The following CMTM8 variants were observed in gnomAD, a reference collection of about 807,000 sequenced individuals.
CMTM8 encodes the protein CKLF-like MARVEL transmembrane domain-containing protein 8.
CMTM8 carries 12 observed loss-of-function variants against 18.6 expected under a neutral mutation model. That is an observed-to-expected ratio of 0.65 (90% confidence interval 0.41 to 1.05). The LOEUF (loss-of-function observed/expected upper bound fraction) is 1.05, where lower values mean the gene tolerates loss of function less well. CMTM8 is among the 50% of genes least tolerant of loss of function. The pLI, the probability that CMTM8 is intolerant of heterozygous loss-of-function variation, is 0.00. For synonymous variants in CMTM8, 87 were observed against 90.6 expected (o/e 0.96, Z 0.23); for missense variants, 217 against 227.2 (o/e 0.95, Z 0.29).
At chr3:32,308,040 G>A (rs899819715) in intron 1 of CMTM8, among the ~76,000 whole-genome samples, 15 of 152,228 alleles carry the variant, frequency 9.9e-5, no homozygotes, top group Non-Finnish European at 1.3e-4. Context: ...CAATTCAAAA[G>A]GAGAAGAGAG....
chr3:32,244,700 T>C (rs1054951923), intron 1 of CMTM8, among the ~76,000 whole-genome samples: 2 of 152,222 alleles, frequency 1.3e-5, no homozygotes, highest in Non-Finnish European at 2.9e-5. Context: ...ATACCTGGTT[T>C]CCCCAGTTTT....
chr3:32,266,619 G>A (rs1484555121), intron 1 of CMTM8, among the ~76,000 whole-genome samples: 5 of 152,174 alleles, frequency 3.3e-5, no homozygotes, highest in Admixed American at 6.5e-5. Flanking sequence ...TCAGGCAGGA[G>A]AAGGAAATAA....
chr3:32,360,521 C>T (rs189313618), intron 2 of CMTM8, among the ~76,000 whole-genome samples: 176 of 152,310 alleles, frequency 1.2e-3, no homozygotes, highest in Admixed American at 3.3e-3. Flanking sequence ...AAAAAGTTTC[C>T]GTCTGTTAAC....
At chr3:32,310,264 A>G (rs1232975794) in intron 1 of CMTM8, among the ~76,000 whole-genome samples, 3 of 152,166 alleles carry the variant, frequency 2.0e-5, no homozygotes, top group African/African-American at 7.2e-5. Context: ...AAGGAATCCC[A>G]TCAGATTCCA....
intron 2 of CMTM8, 148 bp from the exon 3 acceptor site, chr3:32,367,724 G>A: frequency 1.7e-6 from 1 of 587,100 alleles, no homozygotes; most frequent in Non-Finnish European, 3.1e-6. Context: ...ACTTAGAGCT[G>A]CCTTCCCACA....
intron 1 of CMTM8, among the ~76,000 whole-genome samples, chr3:32,292,178 G>A (rs4955275): frequency 0.32 from 48,008 of 152,024 alleles, 8,017 homozygotes; most frequent in Admixed American, 0.45. Context: ...TTGAGTTTGC[G>A]TGTGGTAGAA....
At chr3:32,303,416 G>A (rs942595260) in intron 1 of CMTM8, among the ~76,000 whole-genome samples, 1 of 152,152 alleles carries the variant, frequency 6.6e-6, no homozygotes, top group Non-Finnish European at 1.5e-5. Flanking sequence ...TTCTTAATGT[G>A]GTGACAGGGT....
intron 1 of CMTM8, among the ~76,000 whole-genome samples, chr3:32,355,339 G>A (rs1696796209): frequency 1.3e-5 from 2 of 152,140 alleles, no homozygotes; most frequent in African/African-American, 2.4e-5. Flanking sequence ...TGTTCCAACA[G>A]AACAAGTCCA....
intron 1 of CMTM8, among the ~76,000 whole-genome samples, chr3:32,342,126 T>C (rs567430062): frequency 2.3e-4 from 35 of 151,966 alleles, no homozygotes; most frequent in Non-Finnish European, 3.5e-4. Flanking sequence ...CATGCGCTTG[T>C]AATCCCAGCT....
intron 2 of CMTM8, among the ~76,000 whole-genome samples, chr3:32,357,996 G>C (rs1276565309): frequency 1.3e-5 from 2 of 152,196 alleles, no homozygotes; most frequent in Non-Finnish European, 2.9e-5. Context: ...TATGGAGTTA[G>C]AATGCAAATG....
chr3:32,342,863 C>T (rs1696526392), intron 1 of CMTM8, among the ~76,000 whole-genome samples: 1 of 152,182 alleles, frequency 6.6e-6, no homozygotes, highest in Non-Finnish European at 1.5e-5. Context: ...CATTGATTAA[C>T]TCATTTTGTC....
chr3:32,261,042 C>G (rs767297826), intron 1 of CMTM8, among the ~76,000 whole-genome samples: 1 of 151,884 alleles, frequency 6.6e-6, no homozygotes, highest in South Asian at 2.1e-4. Flanking sequence ...AGCAACGTAG[C>G]GAGACCATGT....
intron 1 of CMTM8, among the ~76,000 whole-genome samples, chr3:32,311,330 G>A (rs1334599872): frequency 6.6e-6 from 1 of 152,236 alleles, no homozygotes; most frequent in African/African-American, 2.4e-5. Flanking sequence ...ACTGTCTATA[G>A]CTGCCTTTGT....
chr3:32,325,432 G>A (rs368729418), intron 1 of CMTM8, among the ~76,000 whole-genome samples: 1 of 152,200 alleles, frequency 6.6e-6, no homozygotes, highest in African/African-American at 2.4e-5. Flanking sequence ...CCTAGAGTAG[G>A]GGAGGGGACC....
At chr3:32,271,411 C>T (rs890286628) in intron 1 of CMTM8, among the ~76,000 whole-genome samples, 5 of 152,214 alleles carry the variant, frequency 3.3e-5, no homozygotes, top group African/African-American at 9.6e-5. Flanking sequence ...TCAGCCACCA[C>T]GCCCAGCTGC....
intron 1 of CMTM8, among the ~76,000 whole-genome samples, chr3:32,276,517 TG>T (rs1449821076): frequency 6.6e-6 from 1 of 152,208 alleles, no homozygotes; most frequent in African/African-American, 2.4e-5. Context: ...AGTAATTGCC[TG>T]TGGCTAGCCA....
At chr3:32,262,260 A>C (rs544949835) in intron 1 of CMTM8, among the ~76,000 whole-genome samples, 1 of 152,156 alleles carries the variant, frequency 6.6e-6, no homozygotes, top group East Asian at 1.9e-4. Context: ...CTTCTTGGCT[A>C]TGTCTGCCAG....
intron 1 of CMTM8, among the ~76,000 whole-genome samples, chr3:32,281,822 C>G (rs932141447): frequency 1.3e-5 from 2 of 152,140 alleles, no homozygotes; most frequent in Non-Finnish European, 2.9e-5. Flanking sequence ...CAGTTGACCC[C>G]TCCCCTCAAT....
At chr3:32,365,683 G>A (rs900224797) in intron 2 of CMTM8, among the ~76,000 whole-genome samples, 22 of 152,252 alleles carry the variant, frequency 1.4e-4, no homozygotes, top group African/African-American at 5.3e-4. Flanking sequence ...GACATCTCAG[G>A]TGATCTACTC....
Sources: allele counts gnomAD v4.1 joint callset (sites outside exome capture counted in the v4.1 genomes callset), GRCh38; gene constraint gnomAD v4.1.1; transcripts MANE v1.5; gene names NCBI Gene and HGNC (gene_info 2026-07-23, HGNC 2026-07-21).